NALCN: variants seen among roughly 807,000 people sequenced by gnomAD.
NALCN encodes the protein sodium leak channel NALCN.
NALCN carries 111 observed loss-of-function variants against 225.3 expected under a neutral mutation model. The observed-to-expected ratio is 0.49, with a 90% CI of 0.42 to 0.58. The LOEUF (loss-of-function observed/expected upper bound fraction) is 0.58. NALCN is among the 20% of genes least tolerant of loss of function. The pLI, the probability that NALCN is intolerant of heterozygous loss-of-function variation, is 0.00. For synonymous variants in NALCN, 764 were observed against 769.0 expected, an observed-to-expected ratio of 0.99 and a Z score of 0.11; for missense variants, 1,378 against 2,202.4, an observed-to-expected ratio of 0.63 and a Z score of 7.49.
At chr13:101,391,742 T>G (rs1439793607) in intron 3 of NALCN, among the ~76,000 whole-genome samples, 5 of 150,946 alleles carry the variant, frequency 3.3e-5, no homozygotes, top group Admixed American at 2.6e-4. Flanking sequence ...CCCAGCACTT[T>G]GGGAAGCCAA....
chr13:101,154,212 T>C (rs79787161), intron 15 of NALCN, among the ~76,000 whole-genome samples: 19,241 of 152,236 alleles, frequency 0.13, 1,675 homozygotes, highest in East Asian at 0.46. Context: ...AACAGGTCCA[T>C]GGAGCTTCAA....
chr13:101,320,934 G>A (rs1440837229), intron 7 of NALCN, among the ~76,000 whole-genome samples: 1 of 152,098 alleles, frequency 6.6e-6, no homozygotes, highest in East Asian at 1.9e-4. Flanking sequence ...TTAGAAGAAA[G>A]GGCAATGAGA....
At chr13:101,262,362 A>G (rs1162374501) in intron 10 of NALCN, among the ~76,000 whole-genome samples, 1 of 152,170 alleles carries the variant, frequency 6.6e-6, no homozygotes, top group African/African-American at 2.4e-5. Flanking sequence ...CCCGCTGCCC[A>G]CTGTGGGGTA....
At chr13:101,122,622 A>C (rs956561047) in intron 18 of NALCN, among the ~76,000 whole-genome samples, 2 of 152,180 alleles carry the variant, frequency 1.3e-5, no homozygotes, top group African/African-American at 4.8e-5. Flanking sequence ...TTCTAGCATT[A>C]TTGTGTTTGT....
intron 12 of NALCN, 45 bp from the exon 13 acceptor site, chr13:101,229,629 A>C (rs199611862): frequency 4.3e-6 from 6 of 1,393,436 alleles, no homozygotes; most frequent in Non-Finnish European, 5.7e-6. Flanking sequence ...ATGATCATTT[A>C]TTTACACTGA....
In NALCN at chr13:101,365,894, C is replaced by A. The variant is rs925759802; in HGVS notation, c.644+10806G>T. On this transcript the variant is annotated intron_variant, in intron 6 of 43. Transcript: ENST00000251127. The stretch of plus-strand genomic sequence containing the variant: ...AACTTTCATATATTTAATGGTTACA[C>A]TTACTTACCTTAAAGTTTTTCTAAT... Among the ~76,000 whole-genome samples the A allele has an allele frequency of 1.3e-5, 2 of 152,156 alleles. 1 individual carries two copies. The highest frequency in any genetic ancestry group is 4.1e-4 in the South Asian group (2 of 4,838).
intron 13 of NALCN, among the ~76,000 whole-genome samples, chr13:101,198,177 C>T (rs919320890): frequency 2.6e-5 from 4 of 152,106 alleles, no homozygotes; most frequent in Admixed American, 2.6e-4. Flanking sequence ...AGACATAAAA[C>T]CATGAAAACC....
chr13:101,158,580 T>C (rs568469115), intron 15 of NALCN, among the ~76,000 whole-genome samples: 2 of 152,332 alleles, frequency 1.3e-5, no homozygotes, highest in South Asian at 4.1e-4. Context: ...TTCAGAACTG[T>C]CTATGTCACG....
At chr13:101,132,607 TAGGTA>T (rs1293560448) in intron 17 of NALCN, among the ~76,000 whole-genome samples, 2 of 152,040 alleles carry the variant, frequency 1.3e-5, no homozygotes, top group African/African-American at 4.8e-5. Context: ...TCCTCATAGG[TAGGTA>T]AGGTATTATT....
intron 11 of NALCN, among the ~76,000 whole-genome samples, chr13:101,250,649 T>C (rs901464382): frequency 1.1e-4 from 17 of 151,968 alleles, no homozygotes; most frequent in African/African-American, 4.1e-4. Context: ...GCCTTTACTA[T>C]AAGAGAATGT....
intron 1 of NALCN, among the ~76,000 whole-genome samples, chr13:101,410,603 T>C (rs530777286): frequency 6.6e-6 from 1 of 152,362 alleles, no homozygotes; most frequent in East Asian, 1.9e-4. Flanking sequence ...GTTTCTGTTA[T>C]GATTTTCTAG....
chr13:101,166,797 C>T (rs1025348758), intron 15 of NALCN, among the ~76,000 whole-genome samples: 3 of 152,124 alleles, frequency 2.0e-5, no homozygotes, highest in African/African-American at 7.2e-5. Context: ...ATTGACAATT[C>T]CAATGTCATG....
At chr13:101,193,394 G>A (rs570180970) in intron 13 of NALCN, among the ~76,000 whole-genome samples, 1 of 152,244 alleles carries the variant, frequency 6.6e-6, no homozygotes, top group Non-Finnish European at 1.5e-5. Flanking sequence ...CTTTCTTAGA[G>A]GTACACTGTT....
intron 7 of NALCN, among the ~76,000 whole-genome samples, chr13:101,309,419 T>C (rs903878989): frequency 3.3e-5 from 5 of 152,222 alleles, no homozygotes; most frequent in Non-Finnish European, 5.9e-5. Context: ...CCATAATGAA[T>C]GGCCACCTCA....
At chr13:101,204,902 A>T (rs2040255283) in intron 13 of NALCN, among the ~76,000 whole-genome samples, 1 of 152,236 alleles carries the variant, frequency 6.6e-6, no homozygotes, top group African/African-American at 2.4e-5. Flanking sequence ...ATTGTCCATT[A>T]TTTAATATAA....
intron 41 of NALCN, among the ~76,000 whole-genome samples, chr13:101,060,227 T>TGCTTGTA (rs1289997398): frequency 6.6e-6 from 1 of 151,554 alleles, no homozygotes; most frequent in Non-Finnish European, 1.5e-5. Context: ...CGGTCATTGA[T>TGCTTGTA]GCTTGTATTT....
At chr13:101,173,307 C>T (rs9518328) in intron 15 of NALCN, among the ~76,000 whole-genome samples, 37,729 of 152,042 alleles carry the variant, frequency 0.25, 5,408 homozygotes, top group Non-Finnish European at 0.33. Context: ...CCTATGAGTG[C>T]CCTCCCCAGT....
At chr13:101,387,229 A>AG (rs2047018171) in intron 3 of NALCN, among the ~76,000 whole-genome samples, 2 of 114,008 alleles carry the variant, frequency 1.8e-5, no homozygotes, top group African/African-American at 6.6e-5. Context: ...CTCCGTCTCA[A>AG]AAAAAAAAAA....
chr13:101,249,787 A>T (rs2042008827), intron 11 of NALCN, among the ~76,000 whole-genome samples: 1 of 152,132 alleles, frequency 6.6e-6, no homozygotes, highest in African/African-American at 2.4e-5. Context: ...CCTACAAATG[A>T]CATTAATGAT....
Sources: allele counts gnomAD v4.1 joint callset (sites outside exome capture counted in the v4.1 genomes callset), GRCh38; gene constraint gnomAD v4.1.1; transcripts MANE v1.5; gene names NCBI Gene and HGNC (gene_info 2026-07-23, HGNC 2026-07-21).